QPCT: variants seen among roughly 807,000 people sequenced by gnomAD.
QPCT encodes glutaminyl-peptide cyclotransferase, also known as EC.
QPCT carries 44 observed loss-of-function variants against 43.4 expected under a neutral mutation model. That is an observed-to-expected ratio of 1.01 (90% CI 0.80 to 1.30). The LOEUF (loss-of-function observed/expected upper bound fraction) is 1.30, where lower values mean the gene tolerates loss of function less well. Among genes scored for constraint, QPCT ranks in the 50% most tolerant of loss-of-function variants. The probability of loss-of-function intolerance (pLI) is 0.00; values close to 1 mark genes in which losing one functional copy is unlikely to be tolerated. For synonymous variants in QPCT, 168 were observed against 168.4 expected, an observed-to-expected ratio of 1.00 and a Z score of 0.02; for missense variants, 526 against 436.5, an observed-to-expected ratio of 1.21 and a Z score of -1.83.
In QPCT at chr2:37,367,232, A is replaced by G; in HGVS notation, c.547A>G (p.Thr183Ala). The G allele has an allele frequency of 1.9e-6, 3 of 1,610,030 alleles. No homozygotes were observed. Among genetic ancestry groups the G allele is most frequent in the East Asian group, 2.2e-5 (1 of 44,850 alleles). The change falls in exon 4 of 7, where the codon ACT (threonine) becomes GCT (alanine). Residue 183 changes from threonine (T) to alanine (A), a missense_variant and splice_region_variant. Physicochemically the swap from Thr to Ala is moderately conservative, Grantham distance 58 (BLOSUM62 0). Transcript: ENST00000338415. ...ALDKKLLSLK[T>A]VSDSKPDLSL... Reference sequence around the variant, plus strand: ...ATGTTTTTATTGTTGTTTTTACCAGACTGTTTCAGACTCCAAGCCAGATTT... The same window carrying G: ...ATGTTTTTATTGTTGTTTTTACCAGGCTGTTTCAGACTCCAAGCCAGATTT...
chr2:37,357,566 A>T (rs1483707206), intron 2 of QPCT, among the ~76,000 whole-genome samples: 1 of 152,242 alleles, frequency 6.6e-6, no homozygotes, highest in African/African-American at 2.4e-5. Context: ...AAGGTTATAA[A>T]CATTTCTTTT....
intron 2 of QPCT, among the ~76,000 whole-genome samples, chr2:37,355,746 G>A (rs1672728478): frequency 1.3e-5 from 2 of 152,078 alleles, no homozygotes; most frequent in East Asian, 3.9e-4. Flanking sequence ...CTATTTCATT[G>A]ATTTATAAGA....
intron 1 of QPCT, among the ~76,000 whole-genome samples, chr2:37,351,612 T>C (rs761032293): frequency 3.3e-5 from 5 of 152,158 alleles, no homozygotes; most frequent in Non-Finnish European, 7.4e-5. Context: ...CTGGGTGCGG[T>C]GGCTCATGCC....
chr2:37,370,688 G>A (rs890601227), intron 5 of QPCT, among the ~76,000 whole-genome samples: 1 of 152,154 alleles, frequency 6.6e-6, no homozygotes, highest in African/African-American at 2.4e-5. Flanking sequence ...AAATAAATGG[G>A]AGTTGACTAG....
At chr2:37,358,918 A>G (rs1484699925) in intron 2 of QPCT, 1 of 152,328 alleles carries the variant, frequency 6.6e-6, no homozygotes, top group African/African-American at 2.4e-5. Flanking sequence ...ATTAGTGTTC[A>G]TTACATGTAA....
At chr2:37,359,895 TACATTA>T (rs1284617080) in intron 3 of QPCT, 37 bp downstream of exon 3, 5 of 1,586,902 alleles carry the variant, frequency 3.2e-6, no homozygotes, top group Non-Finnish European at 4.3e-6. Flanking sequence ...TAGGATAAAG[TACATTA>T]ACAGTAACTC....
chr2:37,358,560 C>G (rs1051182686), intron 2 of QPCT, among the ~76,000 whole-genome samples: 3 of 152,174 alleles, frequency 2.0e-5, no homozygotes, highest in African/African-American at 7.2e-5. Context: ...TCACCTATAA[C>G]TTCTCACATC....
At chr2:37,360,214 A>G (rs766772791) in intron 3 of QPCT, among the ~76,000 whole-genome samples, 2 of 152,210 alleles carry the variant, frequency 1.3e-5, no homozygotes, top group Non-Finnish European at 2.9e-5. Flanking sequence ...TTCTATGGCC[A>G]TGAAACATCA....
Position 37,361,275 on chromosome 2 carries a change from C to T in QPCT, c.546+1417C>T, listed in dbSNP as rs549009679. Among the ~76,000 whole-genome samples, 8 of 152,136 alleles carry T rather than the reference C, an allele frequency of 5.3e-5. No homozygotes were observed. In the East Asian group the frequency reaches 1.2e-3, roughly 22 times the overall value. On this transcript the variant is annotated intron_variant, in intron 3 of 6. Transcript: ENST00000338415. ...CTTCAGCTGTCATGGATTGGGTAGA[C>T]GGTGGTGGAAAGTGACCTGAAAGAG...
intron 3 of QPCT, among the ~76,000 whole-genome samples, chr2:37,364,885 T>C (rs1417839430): frequency 2.0e-5 from 3 of 151,570 alleles, no homozygotes; most frequent in Non-Finnish European, 2.9e-5. Flanking sequence ...TTTACATGTA[T>C]GTGTGTGTTG....
chr2:37,347,196 T>TAA (rs1672517522), intron 1 of QPCT, among the ~76,000 whole-genome samples: 2 of 62,768 alleles, frequency 3.2e-5, no homozygotes, highest in South Asian at 4.7e-4. Context: ...ATATATAACA[T>TAA]ATATATATAA....
intron 5 of QPCT, 111 bp from the exon 6 acceptor site, chr2:37,372,245 A>G: frequency 1.2e-6 from 1 of 807,884 alleles, no homozygotes; most frequent in Non-Finnish European, 2.1e-6. Flanking sequence ...ATAATCTTTT[A>G]CAAATTATGG....
At position 37,344,758 on chromosome 2, in the gene QPCT, C is replaced by G; in HGVS notation, c.27C>G (p.Val9=). The G allele has an allele frequency of 6.2e-7, 1 of 1,607,334 alleles. No homozygotes were observed. Among genetic ancestry groups the G allele is most frequent in the South Asian group, 1.1e-5 (1 of 90,650 alleles). The change falls in exon 1 of 7, where the codon GTC becomes GTG. Residue 9 remains valine (V), a synonymous_variant. Transcript: ENST00000338415. ...TGGCAGGCGGAAGACACCGGCGCGTCGTGGGCACCCTCCACCTGCTGCTGC... is the reference window on the plus strand; with the variant it reads ...TGGCAGGCGGAAGACACCGGCGCGTGGTGGGCACCCTCCACCTGCTGCTGC... MAGGRHRR[V]VGTLHLLLLV...
intron 3 of QPCT, among the ~76,000 whole-genome samples, chr2:37,361,664 T>C (rs555410439): frequency 4.6e-5 from 7 of 152,340 alleles, no homozygotes; most frequent in African/African-American, 1.4e-4. Context: ...GAAGCAGAGC[T>C]GCCCCAGCCA....
At position 37,369,724 on chromosome 2, in the gene QPCT, C is replaced by T; in HGVS notation, c.763C>T (p.Pro255Ser). The T allele has an allele frequency of 3.7e-6, 6 of 1,609,126 alleles. No homozygotes were observed. Among genetic ancestry groups the T allele is most frequent in the Non-Finnish European group, 4.3e-6 (5 of 1,175,454 alleles). The change falls in exon 5 of 7, where the codon CCA becomes TCA. Residue 255 changes from proline (P) to serine (S), a missense_variant. Coordinates refer to ENST00000338415, the MANE Select transcript of QPCT (RefSeq NM_012413.4). ...VLLDLIGAPN[P>S]TFPNFFPNSA... ...ATTGGATTTGATTGGAGCTCCAAAC[C>T]CAACGTTTCCCAATTTTTTTCCAAA...
chr2:37,372,112 A>G (rs1673088151), intron 5 of QPCT, among the ~76,000 whole-genome samples: 1 of 152,078 alleles, frequency 6.6e-6, no homozygotes, highest in South Asian at 2.1e-4. Flanking sequence ...TCTACCTCTA[A>G]GGAGGTTCTC....
chr2:37,351,395 C>T (rs181686300), intron 1 of QPCT, among the ~76,000 whole-genome samples: 1 of 152,062 alleles, frequency 6.6e-6, no homozygotes, highest in South Asian at 2.1e-4. Context: ...TTCATCATTA[C>T]CAGTATCATA....
At chr2:37,365,369 A>G (rs1196642927) in intron 3 of QPCT, among the ~76,000 whole-genome samples, 1 of 152,206 alleles carries the variant, frequency 6.6e-6, no homozygotes, top group Non-Finnish European at 1.5e-5. Context: ...GAAGACTGAG[A>G]GTTGACCACT....
chr2:37,361,758 T>C (rs1286636811), intron 3 of QPCT, among the ~76,000 whole-genome samples: 1 of 152,216 alleles, frequency 6.6e-6, no homozygotes, highest in South Asian at 2.1e-4. Context: ...TTTAAGCCAC[T>C]GTGTTGATGG....
Sources: allele counts gnomAD v4.1 joint callset (sites outside exome capture counted in the v4.1 genomes callset), GRCh38; gene constraint gnomAD v4.1.1; transcripts MANE v1.5; gene names NCBI Gene and HGNC (gene_info 2026-07-23, HGNC 2026-07-21).